SSH2: variants seen among roughly 807,000 people sequenced by gnomAD.
SSH2 encodes protein phosphatase Slingshot homolog 2.
In SSH2, 37 loss-of-function variants were observed where a neutral mutation model predicts 135.2. The ratio of observed to expected loss-of-function variants is 0.27; its 90% CI spans 0.21 to 0.36. The LOEUF is 0.36. Among genes scored for constraint, SSH2 ranks in the 10% least tolerant of loss-of-function variants. The pLI is 1.00. For missense variants in SSH2, 1,408 were observed against 1,765.3 expected (o/e 0.80, Z 3.63); for synonymous variants, 628 against 646.2 (o/e 0.97, Z 0.43).
intron 2 of SSH2, among the ~76,000 whole-genome samples, chr17:29,821,865 C>T (rs566915849): frequency 1.3e-5 from 2 of 152,178 alleles, no homozygotes; most frequent in South Asian, 2.1e-4. Context: ...AGGCTGGTCT[C>T]GATCTCTTGC....
chr17:29,716,368 C>G, intron 3 of SSH2: 1 of 498,108 alleles, frequency 2.0e-6, no homozygotes, highest in Non-Finnish European at 3.7e-6. Context: ...TCTTAGAGTG[C>G]TTTATGTGCT....
chr17:29,843,332 C>T (rs552451808), intron 2 of SSH2, among the ~76,000 whole-genome samples: 18 of 152,164 alleles, frequency 1.2e-4, no homozygotes, highest in Admixed American at 2.6e-4. Flanking sequence ...GTCAGGAGTT[C>T]GAGACCAGCC....
In SSH2 at chr17:29,668,961, A is replaced by G. The variant is rs1361797879; in HGVS notation, c.810-1738T>C. Among the ~76,000 whole-genome samples the G allele has an allele frequency of 3.9e-5, 6 of 151,932 alleles. No individual in the cohort carries two copies. In the East Asian group the frequency reaches 1.2e-3, roughly 29 times the overall value. On this transcript the variant is annotated intron_variant, in intron 9 of 15. Transcript: ENST00000540801. ...CTGTTTCCTTTTCTATAAAATGAGT[A>G]GAGCAGGCCGGGTGTGGTAGCTCAC...
intron 14 of SSH2, chr17:29,640,956 T>C (rs569865093): frequency 6.6e-6 from 1 of 152,282 alleles, no homozygotes; most frequent in Admixed American, 6.5e-5. Context: ...TGTATAAAGG[T>C]AATCCACAGA....
chr17:29,773,961 C>T (rs1302128750), intron 3 of SSH2, among the ~76,000 whole-genome samples: 2 of 152,218 alleles, frequency 1.3e-5, no homozygotes, highest in African/African-American at 4.8e-5. Flanking sequence ...TGAGCCACCA[C>T]GCCCAGCCAT....
chr17:29,887,576 A>G (rs1369226438), intron 1 of SSH2, among the ~76,000 whole-genome samples: 1 of 152,190 alleles, frequency 6.6e-6, no homozygotes, highest in Non-Finnish European at 1.5e-5. Context: ...TAAAATGAGG[A>G]TGGTAATAGT....
chr17:29,646,640 C>T (rs2036380902), intron 14 of SSH2, among the ~76,000 whole-genome samples: 1 of 151,958 alleles, frequency 6.6e-6, no homozygotes, highest in African/African-American at 2.4e-5. Flanking sequence ...GCTGGGACTA[C>T]AGGTGCCCGC....
chr17:29,657,582 T>TG (rs1054680400), intron 11 of SSH2, among the ~76,000 whole-genome samples: 1 of 141,616 alleles, frequency 7.1e-6, no homozygotes, highest in Non-Finnish European at 1.5e-5. Context: ...TTGTTTTTTT[T>TG]TTTTTTTTTT....
intron 2 of SSH2, among the ~76,000 whole-genome samples, chr17:29,795,393 G>A (rs1369834176): frequency 6.6e-6 from 1 of 152,094 alleles, no homozygotes; most frequent in African/African-American, 2.4e-5. Flanking sequence ...CACAAAGGAA[G>A]AACAAAACAA....
chr17:29,714,851 A>G (rs918365125), intron 3 of SSH2, among the ~76,000 whole-genome samples: 2 of 151,488 alleles, frequency 1.3e-5, no homozygotes, highest in Admixed American at 6.6e-5. Context: ...TGATTCCTGA[A>G]TTTTTTCTTT....
At chr17:29,924,631 T>C (rs1203732689) in intron 1 of SSH2, among the ~76,000 whole-genome samples, 1 of 152,092 alleles carries the variant, frequency 6.6e-6, no homozygotes, top group African/African-American at 2.4e-5. Context: ...TGCCAGGTAC[T>C]TGTGGGTTTT....
At chr17:29,778,496 C>G (rs969322350) in intron 3 of SSH2, among the ~76,000 whole-genome samples, 1 of 151,790 alleles carries the variant, frequency 6.6e-6, no homozygotes, top group Admixed American at 6.6e-5. Context: ...AAAAATCAGC[C>G]GGGCATGGTG....
intron 6 of SSH2, among the ~76,000 whole-genome samples, chr17:29,681,603 T>C (rs1214675015): frequency 1.3e-5 from 2 of 151,724 alleles, no homozygotes; most frequent in Non-Finnish European, 2.9e-5. Context: ...AGCTCTATTA[T>C]TTTATAACTT....
At chr17:29,906,215 C>T (rs530965630) in intron 1 of SSH2, among the ~76,000 whole-genome samples, 10 of 151,944 alleles carry the variant, frequency 6.6e-5, no homozygotes, top group African/African-American at 1.7e-4. Flanking sequence ...CCAAAGATCC[C>T]GTAACACAAC....
chr17:29,888,281 G>T (rs1347352760), intron 1 of SSH2, among the ~76,000 whole-genome samples: 2 of 152,164 alleles, frequency 1.3e-5, no homozygotes, highest in East Asian at 3.9e-4. Context: ...GACAGAGACT[G>T]CACTTGACTC....
At chr17:29,637,579 C>T (rs923204266) in intron 14 of SSH2, among the ~76,000 whole-genome samples, 1 of 151,826 alleles carries the variant, frequency 6.6e-6, no homozygotes, top group African/African-American at 2.4e-5. Flanking sequence ...CCCAGAAGTT[C>T]GAGACCAGCC....
chr17:29,835,443 C>T (rs1242123652), intron 2 of SSH2, among the ~76,000 whole-genome samples: 1 of 152,226 alleles, frequency 6.6e-6, no homozygotes, highest in Admixed American at 6.5e-5. Context: ...AGAACAGTTT[C>T]CCTTTCACCC....
intron 1 of SSH2, among the ~76,000 whole-genome samples, chr17:29,875,983 C>CAAAAAAAAAAAAA: frequency 1.4e-5 from 1 of 71,712 alleles, no homozygotes; most frequent in Non-Finnish European, 3.2e-5. Context: ...AAGAGGACAC[C>CAAAAAAAAAAAAA]AAAAAAAAAA....
intron 12 of SSH2, 147 bp downstream of exon 12, chr17:29,655,412 TTA>T (rs1382540723): frequency 9.9e-6 from 8 of 810,198 alleles, no homozygotes; most frequent in Non-Finnish European, 1.7e-5. Context: ...CCAGCTATTT[TTA>T]TTTTTCTTAG....
Sources: allele counts gnomAD v4.1 joint callset (sites outside exome capture counted in the v4.1 genomes callset), GRCh38; gene constraint gnomAD v4.1.1; transcripts MANE v1.5; gene names NCBI Gene and HGNC (gene_info 2026-07-23, HGNC 2026-07-21).